The following EPHA6 variants were observed in gnomAD, a reference collection of about 807,000 sequenced individuals.
EPHA6 encodes ephrin type-A receptor 6.
In EPHA6, 50 loss-of-function variants were observed where a neutral mutation model predicts 112.0. The observed-to-expected ratio is 0.45, with a 90% CI of 0.36 to 0.56. The LOEUF is 0.56. Ranked by LOEUF, EPHA6 falls within the 20% of genes least tolerant of loss-of-function variation. EPHA6 has a pLI of 0.00. For missense variants in EPHA6, 1,280 were observed against 1,417.4 expected (o/e 0.90, Z 1.56); for synonymous variants, 529 against 490.7 (o/e 1.08, Z -1.03).
chr3:97,028,325 GT>G (rs1455219753), intron 3 of EPHA6, among the ~76,000 whole-genome samples: 2 of 152,048 alleles, frequency 1.3e-5, no homozygotes, highest in African/African-American at 2.4e-5. Flanking sequence ...CTTTATGACT[GT>G]TTGGGGAGGA....
At chr3:97,346,983 TG>T (rs1223070734) in intron 5 of EPHA6, among the ~76,000 whole-genome samples, 1 of 152,106 alleles carries the variant, frequency 6.6e-6, no homozygotes, top group Admixed American at 6.6e-5. Flanking sequence ...GTCTTCTAGT[TG>T]GGCTTACGTG....
intron 1 of EPHA6, among the ~76,000 whole-genome samples, chr3:96,822,049 T>TTA (rs1238750026): frequency 2.0e-5 from 3 of 151,922 alleles, no homozygotes; most frequent in Admixed American, 6.6e-5. Context: ...ACCATATGTG[T>TTA]TTTATTTGTA....
chr3:97,696,857 T>C (rs2033077425), intron 14 of EPHA6, among the ~76,000 whole-genome samples: 2 of 152,186 alleles, frequency 1.3e-5, no homozygotes, highest in Admixed American at 6.5e-5. Flanking sequence ...AGACCCACTG[T>C]TGGGAAAGCC....
intron 5 of EPHA6, among the ~76,000 whole-genome samples, chr3:97,244,899 G>A (rs1309156690): frequency 2.6e-5 from 4 of 151,824 alleles, no homozygotes; most frequent in African/African-American, 7.3e-5. Context: ...ATATGGTCAG[G>A]CGCAAACACT....
intron 4 of EPHA6, among the ~76,000 whole-genome samples, chr3:97,228,808 G>A (rs573907321): frequency 2.0e-5 from 3 of 152,136 alleles, no homozygotes; most frequent in Non-Finnish European, 2.9e-5. Flanking sequence ...ACCGTTATCC[G>A]TGGTAGTTGT....
intron 2 of EPHA6, among the ~76,000 whole-genome samples, chr3:96,901,178 T>C (rs545085481): frequency 2.6e-4 from 40 of 152,286 alleles, no homozygotes; most frequent in Admixed American, 2.4e-3. Flanking sequence ...TATACAATAG[T>C]TTTTATTAAC....
chr3:97,155,312 A>G (rs1576585473), intron 3 of EPHA6, among the ~76,000 whole-genome samples: 1 of 152,178 alleles, frequency 6.6e-6, no homozygotes, highest in South Asian at 2.1e-4. Context: ...CCGTAGCTGT[A>G]CAGAATCTTC....
chr3:97,708,826 G>A (rs1445538497), intron 14 of EPHA6, among the ~76,000 whole-genome samples: 1 of 152,198 alleles, frequency 6.6e-6, no homozygotes, highest in African/African-American at 2.4e-5. Context: ...GGTACAGCTC[G>A]GGCCATTGCT....
intron 2 of EPHA6, among the ~76,000 whole-genome samples, chr3:96,971,006 G>A (rs2042298389): frequency 6.6e-6 from 1 of 152,010 alleles, no homozygotes; most frequent in South Asian, 2.1e-4. Context: ...ACATAAGACA[G>A]GGTAATTAAG....
intron 3 of EPHA6, among the ~76,000 whole-genome samples, chr3:97,217,529 T>C (rs1013779748): frequency 2.0e-5 from 3 of 152,190 alleles, no homozygotes; most frequent in Non-Finnish European, 4.4e-5. Context: ...CCGAGGTATG[T>C]GCTGCTTCCA....
intron 2 of EPHA6, among the ~76,000 whole-genome samples, chr3:96,906,682 A>G (rs1202205547): frequency 6.6e-6 from 1 of 152,020 alleles, no homozygotes. Context: ...GTGGTCAATG[A>G]GACTACATAG....
intron 5 of EPHA6, among the ~76,000 whole-genome samples, chr3:97,279,151 TA>T (rs2080201651): frequency 6.6e-6 from 1 of 152,192 alleles, no homozygotes; most frequent in African/African-American, 2.4e-5. Flanking sequence ...AATTACTAAG[TA>T]TGAAAAGGGC....
At chr3:97,310,736 A>G (rs1436812523) in intron 5 of EPHA6, among the ~76,000 whole-genome samples, 2 of 151,678 alleles carry the variant, frequency 1.3e-5, no homozygotes, top group Non-Finnish European at 3.0e-5. Flanking sequence ...CAACTAGATT[A>G]TAACTTAAAT....
At chr3:97,311,037 G>T (rs1009038887) in intron 5 of EPHA6, among the ~76,000 whole-genome samples, 1 of 151,586 alleles carries the variant, frequency 6.6e-6, no homozygotes, top group African/African-American at 2.4e-5. Context: ...AGGAGAGGTG[G>T]TATTAGGTGC....
chr3:96,936,524 T>C (rs1391895848), intron 2 of EPHA6, among the ~76,000 whole-genome samples: 1 of 151,920 alleles, frequency 6.6e-6, no homozygotes, highest in African/African-American at 2.4e-5. Flanking sequence ...TCTGTAATTC[T>C]TTTTGTTCTG....
intron 6 of EPHA6, among the ~76,000 whole-genome samples, chr3:97,446,686 C>A (rs1303139350): frequency 6.6e-6 from 1 of 152,134 alleles, no homozygotes; most frequent in African/African-American, 2.4e-5. Flanking sequence ...ACATATCCTC[C>A]TCTTGTATAT....
intron 2 of EPHA6, among the ~76,000 whole-genome samples, chr3:96,925,800 T>C (rs2040006434): frequency 6.6e-6 from 1 of 152,040 alleles, no homozygotes; most frequent in Non-Finnish European, 1.5e-5. Context: ...GAGGTGGGGT[T>C]TCACCATGTT....
intron 14 of EPHA6, among the ~76,000 whole-genome samples, chr3:97,638,409 A>G (rs1292027145): frequency 2.0e-5 from 3 of 152,174 alleles, no homozygotes; most frequent in Non-Finnish European, 4.4e-5. Context: ...TTATTTAAAT[A>G]GAGTTCTGTG....
chr3:97,345,095 C>G (rs1370428771), intron 5 of EPHA6, among the ~76,000 whole-genome samples: 2 of 151,798 alleles, frequency 1.3e-5, no homozygotes, highest in African/African-American at 4.8e-5. Context: ...AAAAAAAGGT[C>G]CAACCAACAT....
Sources: gnomAD v4.1 joint callset for allele counts (sites outside exome capture counted in the v4.1 genomes callset) on GRCh38, gnomAD v4.1.1 for gene constraint, MANE v1.5 for transcripts, NCBI Gene and HGNC (gene_info 2026-07-23, HGNC 2026-07-21) for gene names.